Variants in SLC26A1 observed in about 807,000 individuals in gnomAD.
SLC26A1 encodes the protein solute carrier family 26 member 1, also known as sulfate anion transporter 1.
Under a neutral mutation model 14.5 loss-of-function variants are expected in SLC26A1, and 18 were observed. The observed-to-expected ratio is 1.24, with a 90% confidence interval of 0.86 to 1.84. The LOEUF is 1.84. Among genes scored for constraint, SLC26A1 ranks in the 40% most tolerant of loss-of-function variants. The pLI is 0.00. For synonymous variants in SLC26A1, 505 were observed against 492.0 expected (o/e 1.03, Z -0.35); for missense variants, 1,049 against 1,020.0 (o/e 1.03, Z -0.39).
rs549666786 is a variant in SLC26A1 at position 979,653 on chromosome 4, C to A, written c.577-149G>T. On this transcript the variant is annotated intron_variant, in intron 2 of 2. Coordinates refer to the SLC26A1 transcript ENST00000398520. ...GAGGAAGCGGAGGCGGGGTGGGAGC[C>A]CTTGTGGTTAAGGAATTTTGGCTTA... 821 of 988,082 alleles carry A rather than the reference C, an allele frequency of 8.3e-4. 2 individuals are homozygous for A. Among genetic ancestry groups the A allele is most frequent in the Non-Finnish European group, 1.2e-3 (778 of 676,480 alleles). The allele number at this position is 988,082 out of a possible 1,614,324, so 61.2% of individuals were successfully genotyped here.
In SLC26A1 at chr4:990,634, C is replaced by G. The variant is rs868023104; in HGVS notation, c.577-272G>C. On this transcript the variant is annotated intron_variant, in intron 2 of 2. Transcript: ENST00000398516. ...GTCTAACCCTTGTCACGTGCAGCAG[C>G]CCGTTTTATTTCAGAATTAAGACCT... The G allele has an allele frequency of 1.1e-4, 53 of 504,044 alleles. No individual in the cohort carries two copies. The Middle Eastern group carries it at 1.5e-3, about 15-fold the overall frequency. The allele number at this position is 504,044 out of a possible 1,614,324, so 31.2% of individuals were successfully genotyped here. A position where few individuals can be genotyped will look rare whatever the true frequency, so the allele number is the denominator to read the frequency against.
chr4:979,675 C>T (rs929964961), intron 2 of SLC26A1, among the ~76,000 whole-genome samples: 1 of 152,216 alleles, frequency 6.6e-6, no homozygotes, highest in Non-Finnish European at 1.5e-5. Context: ...GGAATTTTGG[C>T]TTAGCACCTT....
Position 990,218 on chromosome 4 carries a change from C to G in SLC26A1, c.721G>C (p.Gly241Arg), listed in dbSNP as rs1714168209. ...CATGTGAGGACCACCATGCCGGGCC[C>G]CTGGTGCCGCGGGATCCGCACGCCC... ...LLGVRIPRHQGPGMVVLTWLS... is the reference protein window; with the variant it reads ...LLGVRIPRHQRPGMVVLTWLS... Residue 241 changes from glycine to arginine, a missense_variant, in exon 3 of 3, where the codon GGG becomes CGG. By Grantham distance (125) the Gly-to-Arg change is moderately radical. Transcript: ENST00000398516. The G allele has an allele frequency of 6.4e-7, 1 of 1,566,508 alleles. No individual in the cohort carries two copies. The highest frequency in any genetic ancestry group is 8.6e-7 in the Non-Finnish European group (1 of 1,156,476).
At chr4:984,570 C>A (rs1321585631), downstream of SLC26A1, among the ~76,000 whole-genome samples, 1 of 152,178 alleles carries the variant, frequency 6.6e-6, no homozygotes, top group Non-Finnish European at 1.5e-5. Context: ...GTGGCTCATG[C>A]CTATAATCCC....
downstream of SLC26A1, among the ~76,000 whole-genome samples, chr4:982,890 C>A (rs1713588827): frequency 6.6e-6 from 1 of 152,258 alleles, no homozygotes; most frequent in Non-Finnish European, 1.5e-5. Flanking sequence ...AAACCCCCCT[C>A]CGTCTCCCCT....
chr4:991,908 C>T (rs763285972), intron 1 of SLC26A1, 178 bp from the exon 2 acceptor site: 1 of 1,067,580 alleles, frequency 9.4e-7, no homozygotes, highest in Non-Finnish European at 1.4e-6. Flanking sequence ...TGGATGGACG[C>T]TGGGCCCTGC....
chr4:983,576 C>T (rs1207061426), downstream of SLC26A1, among the ~76,000 whole-genome samples: 6 of 152,204 alleles, frequency 3.9e-5, no homozygotes, highest in Non-Finnish European at 5.9e-5. Context: ...CTTAACCTTT[C>T]GTCCAATCCT....
At chr4:986,614 G>A (rs1713739066), downstream of SLC26A1, among the ~76,000 whole-genome samples, 1 of 152,170 alleles carries the variant, frequency 6.6e-6, no homozygotes. Context: ...CTCTTCTGGG[G>A]TAATTCTCCT....
Position 991,333 on chromosome 4 carries a change from C to T in SLC26A1, c.371G>A (p.Gly124Asp), listed in dbSNP as rs1225307557. ...CATGAGGCAAAGCAGGCTGAAGATG[C>T]CCACGGAGACATGCCGTGAGGTGCC... ...LMGTSRHVSV[G>D]IFSLLCLMVG... The change falls in exon 2 of 3, where the codon GGC becomes GAC. Residue 124 changes from glycine (G) to aspartate (D), a missense_variant. By Grantham distance (94) the Gly-to-Asp change is moderately conservative. Coordinates refer to ENST00000398516, the MANE Select transcript of SLC26A1 (RefSeq NM_022042.4). 2 of 1,612,868 alleles carry T rather than the reference C, an allele frequency of 1.2e-6. No homozygotes were observed. Among genetic ancestry groups the T allele is most frequent in the Non-Finnish European group, 1.7e-6 (2 of 1,179,934 alleles).
rs36084010 is a variant in SLC26A1 at position 991,584 on chromosome 4, C to T, written c.120G>A (p.Ser40=). The change falls in exon 2 of 3, where the codon TCG becomes TCA. Residue 40 remains serine, a synonymous_variant. Coordinates refer to ENST00000398516, the MANE Select transcript of SLC26A1 (RefSeq NM_022042.4). Reference sequence around the variant, plus strand: ...GCGCCCGGACGCACAGCACACTGCACGAGCAGCTGCACCACAGCCTGGCCT... The same window carrying T: ...GCGCCCGGACGCACAGCACACTGCATGAGCAGCTGCACCACAGCCTGGCCT... ...MLKARLWCSC[S]CSVLCVRALV... is the part of the protein sequence containing the mutation. The T allele has an allele frequency of 4.7e-3, 7,544 of 1,598,876 alleles. 278 individuals are homozygous for T. In the African/African-American group the frequency reaches 0.084, roughly 18 times the overall value.
In SLC26A1 at chr4:991,126, A is replaced by G; in HGVS notation, c.576+2T>C. 6.5e-7 allele frequency: 1 copy of G among 1,532,722 alleles called. No individual in the cohort carries two copies. Among genetic ancestry groups the G allele is most frequent in the Non-Finnish European group, 8.8e-7 (1 of 1,138,300 alleles). 94.9% of individuals were successfully genotyped at this position (1,532,722 alleles called of 1,614,324 possible). A position where few individuals can be genotyped will look rare whatever the true frequency, so the allele number is the denominator to read the frequency against. ...TCCCTGTGCCCAAGCAGGGCTCCTC[A>G]CCTGGTAAAGCCCGGTCATCAGCGT... On this transcript the variant is annotated splice_donor_variant, in intron 2 of 2. Transcript: ENST00000398516. LOFTEE classifies it high-confidence loss of function.
rs1714264874 is a variant in SLC26A1 at position 991,112 on chromosome 4, A to C, written c.576+16T>G. The C allele has an allele frequency of 2.0e-6, 3 of 1,523,910 alleles. No homozygotes were observed. The highest frequency in any genetic ancestry group is 2.6e-6 in the Non-Finnish European group (3 of 1,135,374). The allele number at this position is 1,523,910 out of a possible 1,614,324, so 94.4% of individuals were successfully genotyped here. A position where few individuals can be genotyped will look rare whatever the true frequency, so the allele number is the denominator to read the frequency against. The stretch of plus-strand genomic sequence containing the variant: ...GTGCCCTGGGCCCCTCCCTGTGCCC[A>C]AGCAGGGCTCCTCACCTGGTAAAGC... On this transcript the variant is annotated intron_variant, in intron 2 of 2. Transcript: ENST00000398516.
chr4:980,141 G>A (rs1000422177), intron 2 of SLC26A1, among the ~76,000 whole-genome samples: 4 of 152,216 alleles, frequency 2.6e-5, no homozygotes. Flanking sequence ...CCTGGGCCCT[G>A]GGCTCGGCAG....
downstream of SLC26A1, chr4:986,672 G>T (rs1713741506): frequency 7.1e-6 from 3 of 424,620 alleles, no homozygotes; most frequent in East Asian, 2.2e-4. Flanking sequence ...TGAGAAAATC[G>T]CTGAAGCCCC....
At chr4:985,467 T>G (rs928240911), downstream of SLC26A1, among the ~76,000 whole-genome samples, 1 of 152,270 alleles carries the variant, frequency 6.6e-6, no homozygotes, top group East Asian at 1.9e-4. Context: ...TGCTGTGTCC[T>G]GCACCACGGT....
chr4:990,848 CACT>C (rs776983415), intron 2 of SLC26A1: 17 of 478,886 alleles, frequency 3.5e-5, no homozygotes, highest in Non-Finnish European at 5.5e-5. Context: ...AGTCCAGCAC[CACT>C]GAGCCACAGC....
At chr4:990,994 C>G (rs1714252444) in intron 2 of SLC26A1, 134 bp downstream of exon 2, 1 of 948,606 alleles carries the variant, frequency 1.1e-6, no homozygotes, top group Non-Finnish European at 1.5e-6. Flanking sequence ...CCCAGCTCTG[C>G]CCAAGCCTTG....
intron 2 of SLC26A1, 175 bp from the exon 3 acceptor site, chr4:990,537 G>A (rs1714204957): frequency 7.9e-6 from 5 of 635,692 alleles, no homozygotes; most frequent in Non-Finnish European, 1.4e-5. Flanking sequence ...CTGGTTCCAC[G>A]CGTGCTCATG....
chr4:991,440 G>T lies in SLC26A1; in HGVS notation c.264C>A (p.Ile88=). ...GCAGCCCGGCCAGCAATGAGTAGGCGATGGCCTGCGGCACCAGGATGATGC... is the reference window on the plus strand; with the variant it reads ...GCAGCCCGGCCAGCAATGAGTAGGCTATGGCCTGCGGCACCAGGATGATGC... ...VIGIILVPQA[I]AYSLLAGLQP... Residue 88 remains isoleucine, a synonymous_variant, in exon 2 of 3, where the codon ATC becomes ATA. Transcript: ENST00000398516. 6.2e-7 allele frequency: 1 copy of T among 1,612,788 alleles called. No individual in the cohort carries two copies. Among genetic ancestry groups the T allele is most frequent in the South Asian group, 1.1e-5 (1 of 91,090 alleles).
Sources: gnomAD v4.1 joint callset for allele counts (sites outside exome capture counted in the v4.1 genomes callset) on GRCh38, gnomAD v4.1.1 for gene constraint, MANE v1.5 for transcripts, NCBI Gene and HGNC (gene_info 2026-07-23, HGNC 2026-07-21) for gene names.